Variants in APBB2 observed in about 807,000 individuals in gnomAD.
APBB2 encodes Fe65-like 1.
In APBB2, 38 loss-of-function variants were observed where a neutral mutation model predicts 82.5. The ratio of observed to expected loss-of-function variants is 0.46; its 90% confidence interval spans 0.36 to 0.60. The LOEUF is 0.60. APBB2 is among the 20% of genes least tolerant of loss of function. APBB2 has a pLI of 0.00. For synonymous variants in APBB2, 341 were observed against 368.2 expected (o/e 0.93, Z 0.85); for missense variants, 772 against 972.3 (o/e 0.79, Z 2.74).
intron 17 of APBB2, among the ~76,000 whole-genome samples, chr4:40,820,334 C>G (rs1747414774): frequency 6.6e-6 from 1 of 152,178 alleles, no homozygotes; most frequent in Non-Finnish European, 1.5e-5. Flanking sequence ...CTATCCTCTA[C>G]TTGGTTGTCT....
At chr4:41,160,599 A>G (rs1764910815) in intron 1 of APBB2, among the ~76,000 whole-genome samples, 1 of 152,078 alleles carries the variant, frequency 6.6e-6, no homozygotes, top group African/African-American at 2.4e-5. Flanking sequence ...AGCCTCCAAG[A>G]GAAGGGTGGG....
At chr4:40,897,518 C>CA (rs796415501) in intron 10 of APBB2, among the ~76,000 whole-genome samples, 3,694 of 128,184 alleles carry the variant, frequency 0.029, 140 homozygotes, top group African/African-American at 0.093. Flanking sequence ...AACTCCGTCT[C>CA]AAAAAAAAAA....
At chr4:41,040,629 A>T (rs1213827613) in intron 4 of APBB2, among the ~76,000 whole-genome samples, 1 of 152,192 alleles carries the variant, frequency 6.6e-6, no homozygotes, top group Non-Finnish European at 1.5e-5. Context: ...AAGAGGCTCA[A>T]AATCATTACA....
intron 6 of APBB2, among the ~76,000 whole-genome samples, chr4:40,969,040 G>A (rs922047754): frequency 2.6e-5 from 4 of 152,042 alleles, no homozygotes; most frequent in East Asian, 1.9e-4. Context: ...CGTGTCTTTC[G>A]CCTTCCACCA....
At chr4:40,907,102 C>T (rs1057119627) in intron 10 of APBB2, among the ~76,000 whole-genome samples, 54 of 151,892 alleles carry the variant, frequency 3.6e-4, no homozygotes, top group African/African-American at 1.2e-3. Context: ...TCAACTTAAT[C>T]CACATATCAA....
intron 5 of APBB2, among the ~76,000 whole-genome samples, chr4:41,030,033 G>A (rs1358522280): frequency 6.6e-6 from 1 of 152,194 alleles, no homozygotes; most frequent in Non-Finnish European, 1.5e-5. Context: ...GCACATGCCT[G>A]TAGTCCCAGC....
At chr4:40,942,398 A>C (rs1203242866) in intron 7 of APBB2, among the ~76,000 whole-genome samples, 1 of 152,194 alleles carries the variant, frequency 6.6e-6, no homozygotes, top group African/African-American at 2.4e-5. Context: ...GGAGATTCTC[A>C]GAGTCCTCGG....
At chr4:40,891,220 G>A (rs1771926694) in intron 11 of APBB2, among the ~76,000 whole-genome samples, 1 of 152,182 alleles carries the variant, frequency 6.6e-6, no homozygotes, top group Non-Finnish European at 1.5e-5. Flanking sequence ...GGAACACCCA[G>A]GTTTCTCAAC....
chr4:41,012,114 C>A (rs1245312857), intron 6 of APBB2, among the ~76,000 whole-genome samples: 1 of 152,136 alleles, frequency 6.6e-6, no homozygotes, highest in African/African-American at 2.4e-5. Flanking sequence ...CTCAGCCTCC[C>A]AAAGTGCTGG....
At chr4:40,878,795 G>A (rs1319825821) in intron 12 of APBB2, among the ~76,000 whole-genome samples, 3 of 152,118 alleles carry the variant, frequency 2.0e-5, no homozygotes, top group Non-Finnish European at 4.4e-5. Context: ...GGTTTGGAGA[G>A]GTTTATTCTT....
intron 6 of APBB2, among the ~76,000 whole-genome samples, chr4:40,964,448 T>C (rs1443369102): frequency 6.8e-6 from 1 of 146,586 alleles, no homozygotes; most frequent in East Asian, 2.0e-4. Flanking sequence ...AAAAATAAGA[T>C]AAACAAATCA....
At position 41,127,382 on chromosome 4, in the gene APBB2, T is replaced by C. The variant is rs766603077; in HGVS notation, c.-261+15605A>G. 6.6e-6 allele frequency among the ~76,000 whole-genome samples: 1 copy of C among 152,200 alleles called. No homozygotes were observed. The highest frequency in any genetic ancestry group is 1.5e-5 in the Non-Finnish European group (1 of 68,032). On this transcript the variant is annotated intron_variant, in intron 2 of 17. Coordinates refer to ENST00000508593, the MANE Select transcript of APBB2 (RefSeq NM_004307.2). The surrounding 1 kb of genome is among the most constrained non-coding windows in gnomAD (Gnocchi z 4.8). ...GCATTCACTTGATATTCCACATCAA[T>C]AGAAGGCAATTGCAAAAAAATTTCA...
At chr4:41,120,060 C>CT (rs1466076496) in intron 2 of APBB2, among the ~76,000 whole-genome samples, 1 of 152,156 alleles carries the variant, frequency 6.6e-6, no homozygotes, top group Non-Finnish European at 1.5e-5. Flanking sequence ...AAAACGGAGG[C>CT]TTACGAGTTG....
rs190004240 is a variant in APBB2 at position 40,836,202 on chromosome 4, C to T, written c.1530-5625G>A. Among the ~76,000 whole-genome samples the T allele has an allele frequency of 1.8e-4, 28 of 152,220 alleles. No homozygotes were observed. In the East Asian group the frequency reaches 4.6e-3, roughly 25 times the overall value. ...GCATGAAAAGACAAAGCTGGCCGGG[C>T]GCGGTGGCTCATGCCTGTAATCCCA... On this transcript the variant is annotated intron_variant, in intron 12 of 17. Coordinates refer to ENST00000508593, the MANE Select transcript of APBB2 (RefSeq NM_004307.2).
At position 41,014,157 on chromosome 4, in the gene APBB2, C is replaced by T; in HGVS notation, c.261G>A (p.Gln87=). Residue 87 remains glutamine, a synonymous_variant, in exon 6 of 18, where the codon CAG becomes CAA. Transcript: ENST00000508593. ...TGGCAGAGCCATTTCCCAGCAGGGGCTGTGCAGCTGGATCCGAGAGGCCCA... is the reference window on the plus strand; with the variant it reads ...TGGCAGAGCCATTTCCCAGCAGGGGTTGTGCAGCTGGATCCGAGAGGCCCA... ...AAMGLSDPAA[Q]PLLGNGSANI... 1 of 1,614,232 alleles carries T rather than the reference C, an allele frequency of 6.2e-7. No homozygotes were observed. The highest frequency in any genetic ancestry group is 8.5e-7 in the Non-Finnish European group (1 of 1,180,048).
intron 3 of APBB2, among the ~76,000 whole-genome samples, chr4:41,067,100 C>G (rs992912847): frequency 6.6e-6 from 1 of 152,134 alleles, no homozygotes; most frequent in African/African-American, 2.4e-5. Context: ...ATAAGGAAGA[C>G]AAGGAATTTA....
chr4:40,974,042 C>T (rs770119994), intron 6 of APBB2, among the ~76,000 whole-genome samples: 1 of 151,836 alleles, frequency 6.6e-6, no homozygotes, highest in Non-Finnish European at 1.5e-5. Flanking sequence ...TTAGTAGAGA[C>T]GGGGTTTCAT....
rs1233443662 is a variant in APBB2 at position 40,815,240 on chromosome 4, T to C, written c.*852A>G. Reference sequence around the variant, plus strand: ...GAGGAGTATTTCATCTTAATGTTTATGTAGAGAATGGCCATAGTGAACTAT... The same window carrying C: ...GAGGAGTATTTCATCTTAATGTTTACGTAGAGAATGGCCATAGTGAACTAT... On this transcript the variant is annotated 3_prime_UTR_variant, in exon 18 of 18. Coordinates refer to ENST00000508593, the MANE Select transcript of APBB2 (RefSeq NM_004307.2). The C allele has an allele frequency of 6.6e-6, 1 of 152,662 alleles. No individual in the cohort carries two copies. The highest frequency in any genetic ancestry group is 1.9e-4 in the East Asian group (1 of 5,204). The allele number at this position is 152,662 out of a possible 1,614,324, so 9.5% of individuals were successfully genotyped here.
intron 7 of APBB2, among the ~76,000 whole-genome samples, chr4:40,942,118 T>C (rs1787155407): frequency 6.6e-6 from 1 of 152,220 alleles, no homozygotes; most frequent in South Asian, 2.1e-4. Flanking sequence ...TTTGCCTCTA[T>C]GACTTATTTA....
Sources: allele counts gnomAD v4.1 joint callset (sites outside exome capture counted in the v4.1 genomes callset), GRCh38; gene constraint gnomAD v4.1.1; non-coding constraint Gnocchi (gnomAD v3.1); transcripts MANE v1.5; gene names NCBI Gene and HGNC (gene_info 2026-07-23, HGNC 2026-07-21).